Variants in SIPA1L1 observed in about 807,000 individuals in gnomAD.
SIPA1L1 encodes signal induced proliferation associated 1 like 1, also known as signal-induced proliferation-associated 1-like protein 1.
Under a neutral mutation model 162.7 loss-of-function variants are expected in SIPA1L1, and 26 were observed. The ratio of observed to expected loss-of-function variants is 0.16; its 90% CI spans 0.12 to 0.22. The LOEUF (loss-of-function observed/expected upper bound fraction) is 0.22. SIPA1L1 is among the 10% of genes least tolerant of loss of function. The pLI is 1.00. For missense variants in SIPA1L1, 1,874 were observed against 2,241.0 expected (o/e 0.84, Z 3.31); for synonymous variants, 829 against 837.4 (o/e 0.99, Z 0.17).
In SIPA1L1 at chr14:71,739,745, A is replaced by C. The variant is rs934555100; in HGVS notation, c.*584A>C. The C allele has an allele frequency of 1.3e-5, 2 of 152,276 alleles. No individual in the cohort carries two copies. The highest frequency in any genetic ancestry group is 4.1e-4 in the South Asian group (2 of 4,832). 9.4% of individuals were successfully genotyped at this position (152,276 alleles called of 1,614,324 possible). A position where few individuals can be genotyped will look rare whatever the true frequency, so the allele number is the denominator to read the frequency against. On this transcript the variant is annotated 3_prime_UTR_variant, in exon 24 of 24. Transcript: ENST00000381232. Reference sequence around the variant, plus strand: ...CTGTACCTGTCCTCCAGAGATCAGCAGGACCGGAGTTAAATATTTAACAGC... The same window carrying C: ...CTGTACCTGTCCTCCAGAGATCAGCCGGACCGGAGTTAAATATTTAACAGC...
rs148816885 is a variant in SIPA1L1 at position 71,699,122 on chromosome 14, C to T, written c.3516C>T (p.Pro1172=). ...VGGTYRQKSM[P]EGFGVSRRSP... ...GCACTTACAGGCAGAAGTCCATGCCCGAAGGGTAGTTATGCGTTTGTCCCA... is the reference window on the plus strand; with the variant it reads ...GCACTTACAGGCAGAAGTCCATGCCTGAAGGGTAGTTATGCGTTTGTCCCA... Residue 1172 remains proline, a synonymous_variant, in exon 14 of 24, where the codon CCC becomes CCT. Coordinates refer to ENST00000381232, the MANE Select transcript of SIPA1L1 (RefSeq NM_001386936.1). 87 of 1,614,030 alleles carry T rather than the reference C, an allele frequency of 5.4e-5. No homozygotes were observed. Among genetic ancestry groups the T allele is most frequent in the South Asian group, 2.2e-4 (20 of 91,080 alleles).
intron 4 of SIPA1L1, among the ~76,000 whole-genome samples, chr14:71,540,982 G>T (rs929256393): frequency 2.0e-5 from 3 of 152,072 alleles, no homozygotes; most frequent in Non-Finnish European, 2.9e-5. Flanking sequence ...AAAAAAATTA[G>T]CCAGACGTGG....
intron 7 of SIPA1L1, among the ~76,000 whole-genome samples, chr14:71,645,018 G>C (rs975409117): frequency 6.6e-6 from 1 of 152,168 alleles, no homozygotes; most frequent in Non-Finnish European, 1.5e-5. Flanking sequence ...GGTGTCACTG[G>C]GCTAAAATCA....
At chr14:71,438,083 G>A (rs985532739) in intron 2 of SIPA1L1, among the ~76,000 whole-genome samples, 3 of 152,280 alleles carry the variant, frequency 2.0e-5, no homozygotes, top group African/African-American at 7.2e-5. Context: ...CCTTTTAGAA[G>A]TGGTTCATAG....
intron 7 of SIPA1L1, among the ~76,000 whole-genome samples, chr14:71,629,800 A>T (rs1460823725): frequency 1.3e-5 from 2 of 152,258 alleles, no homozygotes; most frequent in Non-Finnish European, 2.9e-5. Flanking sequence ...AGTCAGAGTA[A>T]GGGAGAAAGT....
At position 71,332,105 on chromosome 14, in the gene SIPA1L1, A is replaced by G. The variant is rs1032935157; in HGVS notation, c.-465+10924A>G. Among the ~76,000 whole-genome samples, 4 of 152,224 alleles carry G rather than the reference A, an allele frequency of 2.6e-5. No individual in the cohort carries two copies. In the East Asian group the frequency reaches 5.8e-4, roughly 22 times the overall value. On this transcript the variant is annotated intron_variant, in intron 2 of 23. Transcript: ENST00000381232. ...TATGCTTGTATGTAGTAGGCCTACC[A>G]TAAAGATTTGTTTATTAGTGACCAA...
chr14:71,705,449 C>T, intron 16 of SIPA1L1, 109 bp downstream of exon 16: 1 of 860,380 alleles, frequency 1.2e-6, no homozygotes, highest in South Asian at 1.5e-5. Context: ...GGAAATCATT[C>T]TGGCAAAGAG....
At chr14:71,335,339 G>A (rs1399333774) in intron 2 of SIPA1L1, among the ~76,000 whole-genome samples, 1 of 152,150 alleles carries the variant, frequency 6.6e-6, no homozygotes, top group Admixed American at 6.5e-5. Flanking sequence ...CAGATGTGGT[G>A]GTTTTGGGTT....
At chr14:71,347,986 T>G (rs1311712721) in intron 2 of SIPA1L1, among the ~76,000 whole-genome samples, 1 of 152,192 alleles carries the variant, frequency 6.6e-6, no homozygotes, top group Non-Finnish European at 1.5e-5. Context: ...GAAAAGGGCA[T>G]GTAGTAAGCA....
intron 2 of SIPA1L1, among the ~76,000 whole-genome samples, chr14:71,374,283 T>G (rs2039168101): frequency 6.6e-6 from 1 of 152,178 alleles, no homozygotes; most frequent in Non-Finnish European, 1.5e-5. Context: ...TATTGAACGA[T>G]TCATTCTTCA....
At chr14:71,612,308 A>C (rs147987263) in intron 5 of SIPA1L1, among the ~76,000 whole-genome samples, 2 of 152,314 alleles carry the variant, frequency 1.3e-5, no homozygotes, top group Admixed American at 1.3e-4. Context: ...GCAATATATG[A>C]ATATATTACG....
chr14:71,654,113 A>G (rs1326448180), intron 8 of SIPA1L1, among the ~76,000 whole-genome samples: 1 of 152,228 alleles, frequency 6.6e-6, no homozygotes, highest in Non-Finnish European at 1.5e-5. Flanking sequence ...GACGAGGCTC[A>G]GGGAAGTAAT....
At chr14:71,559,862 A>G (rs1165220919) in intron 4 of SIPA1L1, among the ~76,000 whole-genome samples, 1 of 151,746 alleles carries the variant, frequency 6.6e-6, no homozygotes, top group African/African-American at 2.4e-5. Flanking sequence ...GTTTCACTTC[A>G]TGTTACTGAA....
intron 2 of SIPA1L1, among the ~76,000 whole-genome samples, chr14:71,446,751 T>G (rs527391469): frequency 1.3e-5 from 2 of 152,206 alleles, no homozygotes; most frequent in Non-Finnish European, 2.9e-5. Context: ...AATGACTTTT[T>G]CTGTTGCAGT....
intron 13 of SIPA1L1, among the ~76,000 whole-genome samples, chr14:71,698,286 G>A (rs1178631209): frequency 6.6e-6 from 1 of 152,162 alleles, no homozygotes; most frequent in African/African-American, 2.4e-5. Flanking sequence ...ACAAAGCTAT[G>A]GTTTCTGCCT....
At chr14:71,512,528 A>T (rs1434176023) in intron 2 of SIPA1L1, among the ~76,000 whole-genome samples, 2 of 148,374 alleles carry the variant, frequency 1.3e-5, no homozygotes, top group African/African-American at 5.0e-5. Flanking sequence ...CGGAGGTTAC[A>T]GTGAGCTGAG....
At chr14:71,334,127 C>T (rs939717815) in intron 2 of SIPA1L1, among the ~76,000 whole-genome samples, 2 of 152,180 alleles carry the variant, frequency 1.3e-5, no homozygotes, top group Non-Finnish European at 1.5e-5. Context: ...TGCAAGTTGA[C>T]TTGCCAAGTG....
At chr14:71,538,428 A>G (rs983542812) in intron 4 of SIPA1L1, among the ~76,000 whole-genome samples, 1 of 152,222 alleles carries the variant, frequency 6.6e-6, no homozygotes, top group African/African-American at 2.4e-5. Context: ...CACCTGGTAC[A>G]CAGGGACATC....
intron 10 of SIPA1L1, among the ~76,000 whole-genome samples, chr14:71,666,453 A>G (rs370701309): frequency 6.6e-6 from 1 of 152,176 alleles, no homozygotes; most frequent in East Asian, 1.9e-4. Flanking sequence ...TATAAAGAAA[A>G]TCCTAGGACA....
Sources: allele counts gnomAD v4.1 joint callset (sites outside exome capture counted in the v4.1 genomes callset), GRCh38; gene constraint gnomAD v4.1.1; transcripts MANE v1.5; gene names NCBI Gene and HGNC (gene_info 2026-07-23, HGNC 2026-07-21).